GSG1L: variants seen among roughly 807,000 people sequenced by gnomAD.
The protein encoded by GSG1L is GSG1 like.
Under a neutral mutation model 42.1 loss-of-function variants are expected in GSG1L, and 24 were observed. The ratio of observed to expected loss-of-function variants is 0.57; its 90% confidence interval spans 0.41 to 0.80. GSG1L has a LOEUF of 0.80. GSG1L is among the 30% of genes least tolerant of loss of function. The probability of loss-of-function intolerance (pLI) is 0.00; values close to 1 mark genes in which losing one functional copy is unlikely to be tolerated. For synonymous variants in GSG1L, 215 were observed against 203.5 expected (o/e 1.06, Z -0.48); for missense variants, 445 against 472.2 (o/e 0.94, Z 0.53).
intron 4 of GSG1L, among the ~76,000 whole-genome samples, chr16:27,829,439 A>G (rs567060512): frequency 6.6e-6 from 1 of 152,260 alleles, no homozygotes; most frequent in East Asian, 1.9e-4. Flanking sequence ...GGTGATGGGG[A>G]AGGAGATGGG....
At chr16:27,958,755 A>C (rs2085034699) in intron 2 of GSG1L, among the ~76,000 whole-genome samples, 1 of 151,868 alleles carries the variant, frequency 6.6e-6, no homozygotes, top group Non-Finnish European at 1.5e-5. Flanking sequence ...GGCTCACTGT[A>C]ACCTCCACCT....
At chr16:27,871,973 T>C (rs938350918) in intron 3 of GSG1L, among the ~76,000 whole-genome samples, 1 of 152,204 alleles carries the variant, frequency 6.6e-6, no homozygotes, top group African/African-American at 2.4e-5. Context: ...TGATGGTTAC[T>C]AAAAATCATT....
intron 2 of GSG1L, among the ~76,000 whole-genome samples, chr16:27,936,336 T>C (rs1365202187): frequency 1.3e-5 from 2 of 152,160 alleles, no homozygotes; most frequent in African/African-American, 4.8e-5. Context: ...GTTTGGGTCA[T>C]GGGGGAGGAC....
At position 27,893,563 on chromosome 16, in the gene GSG1L, AACT is replaced by A. The variant is rs1160359608; in HGVS notation, c.398-8928_398-8926del. Among the ~76,000 whole-genome samples the A allele has an allele frequency of 3.9e-5, 6 of 152,286 alleles. No individual in the cohort carries two copies. The East Asian group carries it at 1.2e-3, about 29-fold the overall frequency. On this transcript the variant is annotated intron_variant, in intron 2 of 6. Coordinates refer to ENST00000447459, the MANE Select transcript of GSG1L (RefSeq NM_001109763.2). ...CTTGCTAATAAGTGTCATTATTCAC[AACT>A]ATAATAATTTTTCCTTTTCCTTTTT...
intron 3 of GSG1L, among the ~76,000 whole-genome samples, chr16:27,881,548 T>C (rs1263402926): frequency 2.0e-5 from 3 of 152,138 alleles, no homozygotes; most frequent in African/African-American, 7.2e-5. Flanking sequence ...CCAAGTATCA[T>C]ACTTTTGAAG....
At chr16:28,041,428 GGTGACAAA>G (rs1376177653) in intron 1 of GSG1L, among the ~76,000 whole-genome samples, 1 of 151,916 alleles carries the variant, frequency 6.6e-6, no homozygotes, top group Non-Finnish European at 1.5e-5. Flanking sequence ...CTCCAGCCTG[GGTGACAAA>G]GTGAGACCCT....
intron 1 of GSG1L, among the ~76,000 whole-genome samples, chr16:28,048,055 CAAA>C (rs57485332): frequency 9.0e-5 from 7 of 77,682 alleles, no homozygotes; most frequent in African/African-American, 2.9e-4. Context: ...CTCATCTTTA[CAAA>C]AAAAAAAAAA....
intron 2 of GSG1L, among the ~76,000 whole-genome samples, chr16:27,899,792 T>C (rs1256529296): frequency 6.6e-6 from 1 of 152,206 alleles, no homozygotes; most frequent in African/African-American, 2.4e-5. Context: ...GACTTCAATA[T>C]GCTAGCTGTC....
chr16:27,897,064 A>G (rs2084200406), intron 2 of GSG1L, among the ~76,000 whole-genome samples: 1 of 152,120 alleles, frequency 6.6e-6, no homozygotes, highest in African/African-American at 2.4e-5. Flanking sequence ...GTGTTTCACC[A>G]TTTTGGCCAG....
intron 3 of GSG1L, among the ~76,000 whole-genome samples, chr16:27,856,530 G>T (rs1427384551): frequency 6.6e-6 from 1 of 152,142 alleles, no homozygotes; most frequent in African/African-American, 2.4e-5. Flanking sequence ...GCCCGGGATG[G>T]TCTCAAACTC....
chr16:28,049,686 CAA>C (rs34371458), intron 1 of GSG1L, among the ~76,000 whole-genome samples: 119 of 122,148 alleles, frequency 9.7e-4, no homozygotes, highest in Admixed American at 1.5e-3. Flanking sequence ...GACCCTGTCT[CAA>C]AAAAAAAAAA....
chr16:27,860,493 T>C (rs1382621008), intron 3 of GSG1L, among the ~76,000 whole-genome samples: 1 of 152,244 alleles, frequency 6.6e-6, no homozygotes, highest in African/African-American at 2.4e-5. Context: ...CTCTGTTCTC[T>C]GTCCTCTGGC....
At chr16:27,981,463 C>T (rs2085325951) in intron 1 of GSG1L, among the ~76,000 whole-genome samples, 1 of 152,210 alleles carries the variant, frequency 6.6e-6, no homozygotes, top group African/African-American at 2.4e-5. Flanking sequence ...TGTGAAGCTT[C>T]TCCTCTCACT....
chr16:27,948,852 G>T (rs952650957), intron 2 of GSG1L, among the ~76,000 whole-genome samples: 1 of 148,682 alleles, frequency 6.7e-6, no homozygotes, highest in African/African-American at 2.5e-5. Flanking sequence ...CTCGTGATCC[G>T]CCTGCCTCGG....
At chr16:27,857,595 AG>A (rs1270294958) in intron 3 of GSG1L, among the ~76,000 whole-genome samples, 2 of 152,042 alleles carry the variant, frequency 1.3e-5, no homozygotes, top group Admixed American at 6.5e-5. Context: ...ACGAAAGGCA[AG>A]GGGTTCTCTG....
intron 2 of GSG1L, among the ~76,000 whole-genome samples, chr16:27,915,441 G>A (rs780807693): frequency 2.0e-5 from 3 of 152,282 alleles, no homozygotes; most frequent in African/African-American, 4.8e-5. Context: ...AGGGCAGGGC[G>A]CTGAGCAAGC....
At position 27,844,933 on chromosome 16, in the gene GSG1L, C is replaced by T; in HGVS notation, c.662+17G>A. The T allele has an allele frequency of 5.6e-6, 8 of 1,436,468 alleles. No homozygotes were observed. The South Asian group carries it at 5.7e-5, about 10-fold the overall frequency. The allele number at this position is 1,436,468 out of a possible 1,614,324, so 89.0% of individuals were successfully genotyped here. A position where few individuals can be genotyped will look rare whatever the true frequency, so the allele number is the denominator to read the frequency against. ...CCCTGGTGCCTGAAGCTGCTCTTGT[C>T]CTGAAGGTCCACTTACCAGAAGGAC... On this transcript the variant is annotated intron_variant, in intron 4 of 6. Transcript: ENST00000447459.
At chr16:28,045,920 C>T (rs144920136) in intron 1 of GSG1L, among the ~76,000 whole-genome samples, 5 of 151,834 alleles carry the variant, frequency 3.3e-5, no homozygotes, top group South Asian at 4.2e-4. Flanking sequence ...CATTTGAACC[C>T]GAGAGGCAGA....
At chr16:27,955,915 AGG>A (rs1449563249) in intron 2 of GSG1L, among the ~76,000 whole-genome samples, 22 of 143,336 alleles carry the variant, frequency 1.5e-4, no homozygotes, top group African/African-American at 5.8e-4. Context: ...GAAGGAAGGA[AGG>A]AAGGAAGGAA....
Sources: allele counts gnomAD v4.1 joint callset (sites outside exome capture counted in the v4.1 genomes callset), GRCh38; gene constraint gnomAD v4.1.1; transcripts MANE v1.5; gene names NCBI Gene and HGNC (gene_info 2026-07-23, HGNC 2026-07-21).